The following NTRK2 variants were observed in gnomAD, a reference collection of about 807,000 sequenced individuals.
The protein encoded by NTRK2 is neurotrophic receptor tyrosine kinase 2, also known as BDNF/NT-3 growth factors receptor.
Under a neutral mutation model 94.5 loss-of-function variants are expected in NTRK2, and 13 were observed. The observed-to-expected ratio is 0.14, with a 90% CI of 0.09 to 0.22. NTRK2 has a LOEUF of 0.22. Ranked by LOEUF, NTRK2 falls within the 10% of genes least tolerant of loss-of-function variation. The pLI, the probability that NTRK2 is intolerant of heterozygous loss-of-function variation, is 1.00. For missense variants in NTRK2, 639 were observed against 1,071.2 expected, an observed-to-expected ratio of 0.60 and a Z score of 5.63; for synonymous variants, 372 against 407.4, an observed-to-expected ratio of 0.91 and a Z score of 1.05.
rs2069552499 is a variant in NTRK2 at position 84,797,607 on chromosome 9, T to TATTATATATACTATA, written c.1396+45524_1396+45525insTATATATACTATAAT. On this transcript the variant is annotated intron_variant, in intron 12 of 18. Coordinates refer to ENST00000277120, the MANE Select transcript of NTRK2 (RefSeq NM_006180.6). ...TATACTATATATACTATATATTATATATAATATATATACTATATATTATAT... is the reference window on the plus strand; with the variant it reads ...TATACTATATATACTATATATTATATATTATATATACTATAATAATATATATACTATATATTATAT... 2.4e-5 allele frequency among the ~76,000 whole-genome samples: 2 copies of TATTATATATACTATA among 83,698 alleles called. 1 individual carries two copies. The highest frequency in any genetic ancestry group is 9.9e-5 in the African/African-American group (2 of 20,300). The allele number at this position is 83,698 out of a possible 152,430, so 54.9% of individuals were successfully genotyped here. A position where few individuals can be genotyped will look rare whatever the true frequency, so the allele number is the denominator to read the frequency against.
chr9:85,026,914 A>T lies in NTRK2; in HGVS notation c.*5477A>T, dbSNP rs971083593. 2 of 232,478 alleles carry T rather than the reference A, an allele frequency of 8.6e-6. No individual in the cohort carries two copies. Among genetic ancestry groups the T allele is most frequent in the Non-Finnish European group, 1.7e-5 (2 of 117,802 alleles). 14.4% of individuals were successfully genotyped at this position (232,478 alleles called of 1,614,324 possible). On this transcript the variant is annotated 3_prime_UTR_variant, in exon 19 of 19. Coordinates refer to ENST00000277120, the MANE Select transcript of NTRK2 (RefSeq NM_006180.6). Reference sequence around the variant, plus strand: ...GCATCTTGGCTGATTTCAAAGTGACACCTGAATACAGTGTTTAAAAAAAAA... The same window carrying T: ...GCATCTTGGCTGATTTCAAAGTGACTCCTGAATACAGTGTTTAAAAAAAAA...
intron 2 of NTRK2, among the ~76,000 whole-genome samples, chr9:84,679,871 G>A (rs1218773286): frequency 6.6e-6 from 1 of 152,146 alleles, no homozygotes; most frequent in Non-Finnish European, 1.5e-5. Context: ...GCCATCCTGG[G>A]TGACAGCCCT....
chr9:84,854,946 C>CAAAA (rs149925184), intron 12 of NTRK2, among the ~76,000 whole-genome samples: 2 of 63,364 alleles, frequency 3.2e-5, no homozygotes, highest in Non-Finnish European at 5.4e-5. Flanking sequence ...GACTCCGTCT[C>CAAAA]AAAAAAAAAA....
intron 12 of NTRK2, among the ~76,000 whole-genome samples, chr9:84,785,056 TA>T (rs1211479257): frequency 6.6e-6 from 1 of 152,230 alleles, no homozygotes; most frequent in African/African-American, 2.4e-5. Flanking sequence ...CAGAGAGTCA[TA>T]AATTCTATTT....
intron 6 of NTRK2, among the ~76,000 whole-genome samples, chr9:84,715,345 T>C (rs13292542): frequency 0.026 from 3,923 of 152,288 alleles, 75 homozygotes; most frequent in Admixed American, 0.047. Context: ...GTCTCATTTC[T>C]TCTTTTTTCT....
intron 9 of NTRK2, among the ~76,000 whole-genome samples, chr9:84,728,840 T>C (rs2062642934): frequency 6.6e-6 from 1 of 152,226 alleles, no homozygotes; most frequent in African/African-American, 2.4e-5. Context: ...ACAAGTGTCA[T>C]GCATTTACCT....
At chr9:84,873,121 G>A (rs2075928372) in intron 14 of NTRK2, 12 of 1,064,340 alleles carry the variant, frequency 1.1e-5, no homozygotes, top group Non-Finnish European at 1.4e-5. Flanking sequence ...GCAATCGAAT[G>A]ACCATGGTCC....
chr9:84,714,377 A>G (rs532830294), intron 6 of NTRK2, among the ~76,000 whole-genome samples: 29 of 152,004 alleles, frequency 1.9e-4, no homozygotes, highest in Non-Finnish European at 3.8e-4. Flanking sequence ...CTTTTCATTA[A>G]TCCTCTTCTG....
chr9:84,835,911 A>G (rs1313447061), intron 12 of NTRK2, among the ~76,000 whole-genome samples: 1 of 152,222 alleles, frequency 6.6e-6, no homozygotes, highest in Admixed American at 6.5e-5. Flanking sequence ...ACAATTGACA[A>G]GACAGAACAG....
At chr9:84,991,746 C>T (rs1209870492) in intron 17 of NTRK2, among the ~76,000 whole-genome samples, 3 of 152,092 alleles carry the variant, frequency 2.0e-5, no homozygotes, top group African/African-American at 7.2e-5. Context: ...TCATTAAAGT[C>T]GGCCAATTAG....
Position 85,023,826 on chromosome 9 carries a change from A to C in NTRK2, c.*2389A>C, listed in dbSNP as rs1357533946. ...GGTTTGTCACGCTGCATGTCTGGCC[A>C]GCTAATCTCGGGGGAAAAGCTACAA... On this transcript the variant is annotated 3_prime_UTR_variant, in exon 19 of 19. Coordinates refer to ENST00000277120, the MANE Select transcript of NTRK2 (RefSeq NM_006180.6). The C allele has an allele frequency of 8.7e-6, 2 of 229,854 alleles. No individual in the cohort carries two copies. Among genetic ancestry groups the C allele is most frequent in the African/African-American group, 2.2e-5 (1 of 45,142 alleles). The allele number at this position is 229,854 out of a possible 1,614,324, so 14.2% of individuals were successfully genotyped here.
At chr9:84,860,891 GTTTATTTATTTA>G (rs143811359) in intron 12 of NTRK2, 137 bp from the exon 13 acceptor site, 57,485 of 375,942 alleles carry the variant, frequency 0.15, 5,619 homozygotes, top group Non-Finnish European at 0.18. Context: ...CAAGTGGTTT[GTTTATTTATTTA>G]TTTATTTATT....
chr9:84,685,475 C>T (rs1032746955), intron 2 of NTRK2, among the ~76,000 whole-genome samples: 1 of 151,686 alleles, frequency 6.6e-6, no homozygotes, highest in African/African-American at 2.4e-5. Context: ...TTAGGAACTG[C>T]TTGCCTAGCT....
At chr9:84,727,299 T>C (rs1049227930) in intron 8 of NTRK2, among the ~76,000 whole-genome samples, 1 of 152,190 alleles carries the variant, frequency 6.6e-6, no homozygotes, top group Non-Finnish European at 1.5e-5. Flanking sequence ...CTGTATAATA[T>C]CAAGATACAG....
intron 6 of NTRK2, among the ~76,000 whole-genome samples, chr9:84,713,448 A>T (rs2061531735): frequency 6.6e-6 from 1 of 152,116 alleles, no homozygotes; most frequent in South Asian, 2.1e-4. Context: ...GTTTGTTATC[A>T]TCTGGGATTT....
chr9:84,784,165 G>A (rs959491935), intron 12 of NTRK2, among the ~76,000 whole-genome samples: 6 of 152,104 alleles, frequency 3.9e-5, no homozygotes, highest in Non-Finnish European at 8.8e-5. Flanking sequence ...TAGCACTGCC[G>A]GTTACTAGTT....
chr9:84,785,730 A>G (rs1245103480), intron 12 of NTRK2, among the ~76,000 whole-genome samples: 1 of 152,110 alleles, frequency 6.6e-6, no homozygotes, highest in East Asian at 1.9e-4. Flanking sequence ...ACTGCACCTT[A>G]TTTCTTCCTA....
chr9:84,672,037 T>C (rs1412954523), intron 2 of NTRK2, among the ~76,000 whole-genome samples: 1 of 152,234 alleles, frequency 6.6e-6, no homozygotes, highest in African/African-American at 2.4e-5. Context: ...TGTTTGATAC[T>C]GAGATAGGCA....
chr9:84,976,907 T>C (rs1158098837), intron 17 of NTRK2, among the ~76,000 whole-genome samples: 1 of 152,244 alleles, frequency 6.6e-6, no homozygotes, highest in Non-Finnish European at 1.5e-5. Context: ...ACTGATTTAT[T>C]TGTTTTTACA....
Sources: allele counts gnomAD v4.1 joint callset (sites outside exome capture counted in the v4.1 genomes callset), GRCh38; gene constraint gnomAD v4.1.1; transcripts MANE v1.5; gene names NCBI Gene and HGNC (gene_info 2026-07-23, HGNC 2026-07-21).